The following TSPAN31 variants were observed in gnomAD, a reference collection of about 807,000 sequenced individuals.
The protein encoded by TSPAN31 is tetraspanin 31.
TSPAN31 carries 16 observed loss-of-function variants against 24.8 expected under a neutral mutation model. That is an observed-to-expected ratio of 0.64 (90% confidence interval 0.44 to 0.98). The LOEUF is 0.98. Ranked by LOEUF, TSPAN31 falls within the 50% of genes least tolerant of loss-of-function variation. The pLI, the probability that TSPAN31 is intolerant of heterozygous loss-of-function variation, is 0.00. For synonymous variants in TSPAN31, 87 were observed against 91.4 expected, an observed-to-expected ratio of 0.95 and a Z score of 0.27; for missense variants, 209 against 251.6, an observed-to-expected ratio of 0.83 and a Z score of 1.15.
In TSPAN31 at chr12:57,747,260, T is replaced by C. The variant is rs763705963; in HGVS notation, c.603T>C (p.Asp201=). The C allele has an allele frequency of 1.2e-6, 2 of 1,614,088 alleles. No individual in the cohort carries two copies. Among genetic ancestry groups the C allele is most frequent in the African/African-American group, 2.7e-5 (2 of 74,936 alleles). The change falls in exon 6 of 6, where the codon GAT becomes GAC. Residue 201 remains aspartate, a synonymous_variant. Transcript: ENST00000257910. The stretch of plus-strand genomic sequence containing the variant: ...CAATGAGATTTCGGAATCAGAAGGA[T>C]CCTAGAGCCAACCCCAGTGCCTTTC... ...WLAMRFRNQK[D]PRANPSAFL is the part of the protein sequence containing the mutation.
At chr12:57,745,384 C>A (rs1339340175) in intron 1 of TSPAN31, 167 bp downstream of exon 1, 3 of 726,272 alleles carry the variant, frequency 4.1e-6, no homozygotes, top group Non-Finnish European at 6.7e-6. Context: ...GAGGAGACTT[C>A]CGGTTGATTA....
At position 57,748,806 on chromosome 12, in the gene TSPAN31, A is replaced by C; in HGVS notation, c.*1516A>C. 1.7e-6 allele frequency: 1 copy of C among 584,980 alleles called. No individual in the cohort carries two copies. Among genetic ancestry groups the C allele is most frequent in the East Asian group, 3.0e-5 (1 of 33,404 alleles). 36.2% of individuals were successfully genotyped at this position (584,980 alleles called of 1,614,324 possible). A position where few individuals can be genotyped will look rare whatever the true frequency, so the allele number is the denominator to read the frequency against. On this transcript the variant is annotated 3_prime_UTR_variant, in exon 6 of 6. Transcript: ENST00000257910. Reference sequence around the variant, plus strand: ...CTGCAACCTCCGCCTCCTGAGTTGAAGTGATTCTCCTATCTCAGCCTCCCA... The same window carrying C: ...CTGCAACCTCCGCCTCCTGAGTTGACGTGATTCTCCTATCTCAGCCTCCCA...
rs527602239 is a variant in TSPAN31 at position 57,745,115 on chromosome 12, C to A, written c.-40C>A. 241 of 1,566,680 alleles carry A rather than the reference C, an allele frequency of 1.5e-4. 1 individual carries two copies. Among genetic ancestry groups the A allele is most frequent in the Admixed American group, 2.3e-4 (12 of 53,196 alleles). ...GAAGACGGTCCCCAATACCCTCCCCCCAAGTCCTTGGGACCACTTGGGTCC... is the reference window on the plus strand; with the variant it reads ...GAAGACGGTCCCCAATACCCTCCCCACAAGTCCTTGGGACCACTTGGGTCC... On this transcript the variant is annotated 5_prime_UTR_variant, in exon 1 of 6. Coordinates refer to ENST00000257910, the MANE Select transcript of TSPAN31 (RefSeq NM_005981.5).
chr12:57,745,440 G>GT (rs1955135425), intron 1 of TSPAN31: 5 of 615,758 alleles, frequency 8.1e-6, no homozygotes, highest in South Asian at 2.0e-5. Context: ...GGCCGTGGGC[G>GT]TAAGTTCCAT....
chr12:57,747,434 G>A lies in TSPAN31; in HGVS notation c.*144G>A, dbSNP rs1223080267. 1 of 675,118 alleles carries A rather than the reference G, an allele frequency of 1.5e-6. No homozygotes were observed. The highest frequency in any genetic ancestry group is 1.8e-5 in the African/African-American group (1 of 55,096). The allele number at this position is 675,118 out of a possible 1,614,324, so 41.8% of individuals were successfully genotyped here. A position where few individuals can be genotyped will look rare whatever the true frequency, so the allele number is the denominator to read the frequency against. On this transcript the variant is annotated 3_prime_UTR_variant, in exon 6 of 6. Transcript: ENST00000257910. ...TCCTCTAAAATTGATGGAATAGCAA[G>A]ACTTTATGCCTTGACATATTTTAGT...
Position 57,748,045 on chromosome 12 carries a change from A to G in TSPAN31, c.*755A>G. 3.9e-6 allele frequency: 1 copy of G among 255,420 alleles called. No individual in the cohort carries two copies. The highest frequency in any genetic ancestry group is 7.6e-6 in the Non-Finnish European group (1 of 131,090). 15.8% of individuals were successfully genotyped at this position (255,420 alleles called of 1,614,324 possible). ...GCGTGAGCCACCACGCCCCGCCTAA[A>G]ATCCATATTCAAAGAAGCAATTTCA... On this transcript the variant is annotated 3_prime_UTR_variant, in exon 6 of 6. Coordinates refer to ENST00000257910, the MANE Select transcript of TSPAN31 (RefSeq NM_005981.5).
chr12:57,746,343 C>T (rs1299393377), intron 3 of TSPAN31, 87 bp downstream of exon 3: 3 of 1,324,722 alleles, frequency 2.3e-6, no homozygotes, highest in South Asian at 1.2e-5. Context: ...GCCCCAACTA[C>T]CCAAAGATCA....
At chr12:57,746,815 T>A in intron 4 of TSPAN31, 95 bp downstream of exon 4, 1 of 1,565,674 alleles carries the variant, frequency 6.4e-7, no homozygotes, top group East Asian at 2.2e-5. Context: ...ATGTCATTGT[T>A]TCTCTCTCTA....
Position 57,748,206 on chromosome 12 carries a change from CA to C in TSPAN31, c.*917del, listed in dbSNP as rs1161024667. ...CAAATCGCACAATGGCAAAGCCAAA[CA>C]GAGGAAGAAACATTAAAAAAAAAAA... On this transcript the variant is annotated 3_prime_UTR_variant, in exon 6 of 6. Transcript: ENST00000257910. 7 of 364,076 alleles carry C rather than the reference CA, an allele frequency of 1.9e-5. No homozygotes were observed. Among genetic ancestry groups the C allele is most frequent in the Non-Finnish European group, 3.5e-5 (7 of 197,866 alleles). 22.6% of individuals were successfully genotyped at this position (364,076 alleles called of 1,614,324 possible).
chr12:57,746,471 A>G (rs1430705759), intron 3 of TSPAN31, 118 bp from the exon 4 acceptor site: 20 of 1,332,594 alleles, frequency 1.5e-5, no homozygotes, highest in Non-Finnish European at 2.2e-5. Context: ...CGTGTCTATA[A>G]TTGTTGCACA....
chr12:57,747,167 T>TG (rs746570037), intron 5 of TSPAN31, 36 bp downstream of exon 5: 1 of 1,612,756 alleles, frequency 6.2e-7, no homozygotes, highest in African/African-American at 1.3e-5. Context: ...ACATCCTTTT[T>TG]GAGACTGAGA....
At position 57,749,410 on chromosome 12, in the gene TSPAN31, G is replaced by A. The variant is rs374401253; in HGVS notation, c.*2120G>A. The A allele has an allele frequency of 1.9e-6, 3 of 1,613,090 alleles. No homozygotes were observed. In the African/African-American group the frequency reaches 4.0e-5, roughly 22 times the overall value. On this transcript the variant is annotated 3_prime_UTR_variant, in exon 6 of 6. Coordinates refer to ENST00000257910, the MANE Select transcript of TSPAN31 (RefSeq NM_005981.5). The stretch of plus-strand genomic sequence containing the variant: ...TGCCATCCTGGGTTCAGCAGAAAGA[G>A]GACTCAGAATAGAAAATCTTTTTCT...
intron 3 of TSPAN31, 151 bp downstream of exon 3, chr12:57,746,407 C>A: frequency 8.9e-7 from 1 of 1,129,722 alleles, no homozygotes; most frequent in Non-Finnish European, 1.3e-6. Context: ...TCTGGGATGT[C>A]TGGTTAATTT....
At chr12:57,746,860 G>A in intron 4 of TSPAN31, 140 bp downstream of exon 4, 1 of 1,388,948 alleles carries the variant, frequency 7.2e-7, no homozygotes, top group East Asian at 2.3e-5. Flanking sequence ...GTTGGTGGGA[G>A]GTGGGGGTGG....
In TSPAN31 at chr12:57,745,198, C is replaced by T; in HGVS notation, c.44C>T (p.Ala15Val). ...GCCTGCTCCAAGAATGCGCTTTGCG[C>T]TCTCAACGTGGTCTACATGGTGAGG... ...GFACSKNALC[A>V]LNVVYMLVSL... is the part of the protein sequence containing the mutation. The change falls in exon 1 of 6, where the codon GCT (alanine) becomes GTT (valine). Residue 15 changes from alanine to valine, a missense_variant. Coordinates refer to ENST00000257910, the MANE Select transcript of TSPAN31 (RefSeq NM_005981.5). 6.2e-7 allele frequency: 1 copy of T among 1,609,204 alleles called. No individual in the cohort carries two copies. Among genetic ancestry groups the T allele is most frequent in the Non-Finnish European group, 8.5e-7 (1 of 1,177,802 alleles).
chr12:57,745,295 A>T (rs1176527908), intron 1 of TSPAN31, 78 bp downstream of exon 1: 1 of 1,489,052 alleles, frequency 6.7e-7, no homozygotes, highest in African/African-American at 1.4e-5. Flanking sequence ...TCCGGTGGGG[A>T]GAGGGGTGTA....
chr12:57,749,123 GCTCTATTTCTTTCCCCAGT>G lies in TSPAN31; in HGVS notation c.*1849_*1867del, dbSNP rs1485908803. On this transcript the variant is annotated 3_prime_UTR_variant, in exon 6 of 6. Transcript: ENST00000257910. ...CACAGTGGCCAGGGCCCTGCATACT[GCTCTATTTCTTTCCCCAGT>G]CTCTATTTCTTTCCCTGTGCCCACA... The G allele has an allele frequency of 5.6e-6, 9 of 1,605,588 alleles. No individual in the cohort carries two copies. The highest frequency in any genetic ancestry group is 1.3e-5 in the African/African-American group (1 of 74,846).
At chr12:57,746,865 G>C (rs1955161150) in intron 4 of TSPAN31, 145 bp downstream of exon 4, 1 of 1,378,230 alleles carries the variant, frequency 7.3e-7, no homozygotes. Context: ...TGGGAGGTGG[G>C]GGTGGATAGA....
intron 1 of TSPAN31, 172 bp downstream of exon 1, chr12:57,745,389 T>G: frequency 1.4e-6 from 1 of 690,236 alleles, no homozygotes; most frequent in Non-Finnish European, 2.4e-6. Flanking sequence ...GACTTCCGGT[T>G]GATTAAGGGG....
Sources: gnomAD v4.1 joint callset for allele counts on GRCh38, gnomAD v4.1.1 for gene constraint, MANE v1.5 for transcripts, NCBI Gene and HGNC (gene_info 2026-07-23, HGNC 2026-07-21) for gene names.